Variants in FGF14 observed in about 807,000 individuals in gnomAD.
The protein encoded by FGF14 is fibroblast growth factor homologous factor 4.
A neutral mutation model predicts 25.5 loss-of-function variants in FGF14; 5 were observed. That is an observed-to-expected ratio of 0.20 (90% CI 0.10 to 0.41). FGF14 has a LOEUF of 0.41. Among genes scored for constraint, FGF14 ranks in the 10% least tolerant of loss-of-function variants. The probability of loss-of-function intolerance (pLI) is 1.00; values close to 1 mark genes in which losing one functional copy is unlikely to be tolerated. For missense variants in FGF14, 222 were observed against 320.1 expected, an observed-to-expected ratio of 0.69 and a Z score of 2.34; for synonymous variants, 138 against 118.3, an observed-to-expected ratio of 1.17 and a Z score of -1.08.
chr13:102,293,121 C>T (rs1015585767), intron 1 of FGF14: 2 of 152,322 alleles, frequency 1.3e-5, no homozygotes, highest in African/African-American at 4.8e-5. Context: ...CCATTCCTGC[C>T]TCTCACCTCC....
At chr13:101,743,569 A>G (rs1004587063) in intron 3 of FGF14, among the ~76,000 whole-genome samples, 1 of 152,336 alleles carries the variant, frequency 6.6e-6, no homozygotes, top group African/African-American at 2.4e-5. Flanking sequence ...AAGAACTGAT[A>G]AAGAAGGCAA....
chr13:102,132,894 CAGTG>C (rs1425261369), intron 1 of FGF14, among the ~76,000 whole-genome samples: 1 of 152,168 alleles, frequency 6.6e-6, no homozygotes, highest in Non-Finnish European at 1.5e-5. Context: ...AGCAATGAAA[CAGTG>C]AGCGGAGTTG....
At chr13:101,832,574 G>A (rs563789320) in intron 3 of FGF14, among the ~76,000 whole-genome samples, 1 of 152,050 alleles carries the variant, frequency 6.6e-6, no homozygotes, top group South Asian at 2.1e-4. Context: ...CCTGCAGCAT[G>A]GTTGGCATTT....
chr13:101,895,732 G>T (rs554207250), intron 1 of FGF14, among the ~76,000 whole-genome samples: 10 of 152,290 alleles, frequency 6.6e-5, no homozygotes, highest in Non-Finnish European at 1.3e-4. Flanking sequence ...TCTGTTGTTT[G>T]CTATTTAGAG....
chr13:102,275,922 A>C (rs1371818363), intron 1 of FGF14, among the ~76,000 whole-genome samples: 1 of 152,172 alleles, frequency 6.6e-6, no homozygotes, highest in South Asian at 2.1e-4. Flanking sequence ...TTGTAATCTT[A>C]AATTGAGTTT....
At chr13:102,244,358 C>T (rs1014972451) in intron 1 of FGF14, among the ~76,000 whole-genome samples, 1 of 151,700 alleles carries the variant, frequency 6.6e-6, no homozygotes, top group African/African-American at 2.4e-5. Flanking sequence ...GGTTTTTGTG[C>T]AGCTCCCACA....
intron 3 of FGF14, among the ~76,000 whole-genome samples, chr13:101,739,835 G>A (rs2036425718): frequency 2.0e-5 from 3 of 152,168 alleles, no homozygotes; most frequent in Admixed American, 2.0e-4. Flanking sequence ...ACCAAAGACA[G>A]GCAGCCCAGC....
chr13:102,252,600 G>A (rs2052234250), intron 1 of FGF14, among the ~76,000 whole-genome samples: 1 of 151,854 alleles, frequency 6.6e-6, no homozygotes, highest in Non-Finnish European at 1.5e-5. Flanking sequence ...TGATGCAAAT[G>A]CTATGTAAAT....
intron 3 of FGF14, among the ~76,000 whole-genome samples, chr13:101,829,710 G>A (rs2042576449): frequency 1.3e-5 from 2 of 152,058 alleles, no homozygotes; most frequent in Admixed American, 1.3e-4. Context: ...AACTGCCTTG[G>A]TTGAATGACC....
chr13:102,225,692 A>T (rs567351945), intron 1 of FGF14, among the ~76,000 whole-genome samples: 12 of 152,284 alleles, frequency 7.9e-5, no homozygotes, highest in Admixed American at 6.5e-4. Flanking sequence ...GTTTATAAAA[A>T]CTGTTTTGAC....
chr13:102,074,963 A>C (rs552386799), intron 1 of FGF14, among the ~76,000 whole-genome samples: 1 of 152,356 alleles, frequency 6.6e-6, no homozygotes, highest in Admixed American at 6.5e-5. Flanking sequence ...CTCACAGCTA[A>C]CATTATCCTC....
intron 1 of FGF14, among the ~76,000 whole-genome samples, chr13:102,173,354 T>C (rs776276792): frequency 2.0e-5 from 3 of 152,176 alleles, no homozygotes; most frequent in East Asian, 1.9e-4. Context: ...CACGGAGAAA[T>C]TGGAACTCTT....
chr13:102,244,316 T>G (rs992249415), intron 1 of FGF14, among the ~76,000 whole-genome samples: 1 of 151,984 alleles, frequency 6.6e-6, no homozygotes, highest in Non-Finnish European at 1.5e-5. Context: ...AGTAGAAATC[T>G]CATCCCTGAT....
chr13:102,146,918 T>G (rs1231005677), intron 1 of FGF14, among the ~76,000 whole-genome samples: 1 of 152,208 alleles, frequency 6.6e-6, no homozygotes. Context: ...TCTGAAGTGC[T>G]GATAGAAACT....
At chr13:102,285,899 C>T (rs909751420) in intron 1 of FGF14, among the ~76,000 whole-genome samples, 10 of 152,128 alleles carry the variant, frequency 6.6e-5, no homozygotes, top group Admixed American at 6.5e-4. Context: ...TGCAGAGTTG[C>T]AGAGATCGTA....
intron 1 of FGF14, among the ~76,000 whole-genome samples, chr13:101,956,637 T>A (rs962142217): frequency 6.6e-6 from 1 of 151,906 alleles, no homozygotes; most frequent in Non-Finnish European, 1.5e-5. Flanking sequence ...AAATATAATA[T>A]CCACAAGCTA....
At chr13:102,003,629 G>A (rs2039622316) in intron 1 of FGF14, among the ~76,000 whole-genome samples, 2 of 144,684 alleles carry the variant, frequency 1.4e-5, no homozygotes, top group Non-Finnish European at 3.0e-5. Flanking sequence ...CTTTCTTTTT[G>A]TTTGGTTTGC....
chr13:102,094,909 G>C (rs1758240932), intron 1 of FGF14, among the ~76,000 whole-genome samples: 1 of 152,028 alleles, frequency 6.6e-6, no homozygotes, highest in Admixed American at 6.6e-5. Flanking sequence ...CAAACACAAT[G>C]TCCCTAATTC....
In FGF14 at chr13:101,916,346, C is replaced by A. The variant is rs572660661; in HGVS notation, c.193+107G>T. ...AGAGTGCTCAGAAGGGAGGCCGGGG[C>A]CGGGGTGGGCCGGGAAAACCGAGGG... On this transcript the variant is annotated intron_variant, in intron 1 of 4. Transcript: ENST00000376143. 142 of 1,372,662 alleles carry A rather than the reference C, an allele frequency of 1.0e-4. 2 individuals carry two copies. The highest frequency in any genetic ancestry group is 1.0e-3 in the South Asian group (86 of 83,858). The allele number at this position is 1,372,662 out of a possible 1,614,324, so 85.0% of individuals were successfully genotyped here. A position where few individuals can be genotyped will look rare whatever the true frequency, so the allele number is the denominator to read the frequency against.
Sources: allele counts gnomAD v4.1 joint callset (sites outside exome capture counted in the v4.1 genomes callset), GRCh38; gene constraint gnomAD v4.1.1; transcripts MANE v1.5; gene names NCBI Gene and HGNC (gene_info 2026-07-23, HGNC 2026-07-21).